EPAS1: variants seen among roughly 807,000 people sequenced by gnomAD.
EPAS1 encodes the protein endothelial PAS domain protein 1.
A neutral mutation model predicts 87.9 loss-of-function variants in EPAS1; 23 were observed. That is an observed-to-expected ratio of 0.26 (90% CI 0.19 to 0.37). The LOEUF (loss-of-function observed/expected upper bound fraction) is 0.37, where lower values mean the gene tolerates loss of function less well. EPAS1 is among the 10% of genes least tolerant of loss of function. The pLI, the probability that EPAS1 is intolerant of heterozygous loss-of-function variation, is 1.00. For synonymous variants in EPAS1, 508 were observed against 444.3 expected, an observed-to-expected ratio of 1.14 and a Z score of -1.80; for missense variants, 1,138 against 1,120.7, an observed-to-expected ratio of 1.02 and a Z score of -0.22.
rs780163748 is a variant in EPAS1 at position 46,378,741 on chromosome 2, G to A, written c.1528G>A (p.Glu510Lys). ...TGAGAAGCTCTTCGCCATGGACACA[G>A]AGGCCAAGGACCAATGCAGTACCCA... ...VIEKLFAMDT[E>K]AKDQCSTQTD... is the part of the protein sequence containing the mutation. Residue 510 changes from glutamate to lysine, a missense_variant, in exon 11 of 16, where the codon GAG becomes AAG. Coordinates refer to ENST00000263734, the MANE Select transcript of EPAS1 (RefSeq NM_001430.5). The A allele has an allele frequency of 8.1e-6, 13 of 1,614,096 alleles. No individual in the cohort carries two copies. In the South Asian group the frequency reaches 1.3e-4, roughly 16 times the overall value.
At chr2:46,333,187 A>T (rs1683722417) in intron 1 of EPAS1, among the ~76,000 whole-genome samples, 1 of 152,022 alleles carries the variant, frequency 6.6e-6, no homozygotes, top group Non-Finnish European at 1.5e-5. Flanking sequence ...AAGCATTGGA[A>T]CTCTGCAATA....
rs1217360723 is a variant in EPAS1 at position 46,371,771 on chromosome 2, G to A, written c.886+1838G>A. ...CTGATTCCCTAGGGCCTGGATTTCT[G>A]GACCTTCCTGACTTTAGATGTAAAA... On this transcript the variant is annotated intron_variant, in intron 7 of 15. Coordinates refer to ENST00000263734, the MANE Select transcript of EPAS1 (RefSeq NM_001430.5). The surrounding 1 kb of genome is among the most constrained non-coding windows in gnomAD (Gnocchi z 4.3). 2.0e-5 allele frequency among the ~76,000 whole-genome samples: 3 copies of A among 152,188 alleles called. No homozygotes were observed. Among genetic ancestry groups the A allele is most frequent in the Admixed American group, 2.0e-4 (3 of 15,282 alleles).
At chr2:46,324,215 C>G (rs1440319471) in intron 1 of EPAS1, among the ~76,000 whole-genome samples, 1 of 152,100 alleles carries the variant, frequency 6.6e-6, no homozygotes, top group East Asian at 1.9e-4. Context: ...TACAGGCACC[C>G]GCCACCACGC....
At position 46,384,746 on chromosome 2, in the gene EPAS1, C is replaced by G. The variant is rs1684975268; in HGVS notation, c.*86C>G. On this transcript the variant is annotated 3_prime_UTR_variant, in exon 16 of 16. Coordinates refer to ENST00000263734, the MANE Select transcript of EPAS1 (RefSeq NM_001430.5). The stretch of plus-strand genomic sequence containing the variant: ...CGTCTGTTTTTGCAACTAGGTATTT[C>G]TAACGCCAGCACACTATTTACAAGA... 1 of 1,523,308 alleles carries G rather than the reference C, an allele frequency of 6.6e-7. No homozygotes were observed. The highest frequency in any genetic ancestry group is 8.9e-7 in the Non-Finnish European group (1 of 1,127,528). 94.4% of individuals were successfully genotyped at this position (1,523,308 alleles called of 1,614,324 possible). A position where few individuals can be genotyped will look rare whatever the true frequency, so the allele number is the denominator to read the frequency against.
At chr2:46,365,603 C>G (rs1208670037) in intron 6 of EPAS1, among the ~76,000 whole-genome samples, 1 of 152,240 alleles carries the variant, frequency 6.6e-6, no homozygotes, top group African/African-American at 2.4e-5. Context: ...CTGTAACACT[C>G]CACAGACAGG....
chr2:46,376,451 C>T, intron 8 of EPAS1, 88 bp from the exon 9 acceptor site: 1 of 1,330,984 alleles, frequency 7.5e-7, no homozygotes, highest in South Asian at 1.2e-5. Flanking sequence ...TGTCGGAGAG[C>T]TTAGCTATGA....
chr2:46,361,763 T>G (rs1016353224), intron 6 of EPAS1, among the ~76,000 whole-genome samples: 1 of 152,154 alleles, frequency 6.6e-6, no homozygotes, highest in African/African-American at 2.4e-5. Context: ...GTTGAAAGAG[T>G]GCCTAAGACT....
At chr2:46,331,064 A>G (rs1251855833) in intron 1 of EPAS1, among the ~76,000 whole-genome samples, 1 of 152,126 alleles carries the variant, frequency 6.6e-6, no homozygotes, top group Non-Finnish European at 1.5e-5. Context: ...GCATACATGT[A>G]TATATTATTT....
intron 1 of EPAS1, among the ~76,000 whole-genome samples, chr2:46,328,427 A>G: frequency 6.6e-6 from 1 of 152,254 alleles, no homozygotes; most frequent in Non-Finnish European, 1.5e-5. Flanking sequence ...AAATGAGATG[A>G]AAATGACAGA....
In EPAS1 at chr2:46,360,583, T is replaced by G; in HGVS notation, c.455-55T>G. The G allele has an allele frequency of 6.7e-7, 1 of 1,488,240 alleles. No individual in the cohort carries two copies. Among genetic ancestry groups the G allele is most frequent in the Non-Finnish European group, 9.4e-7 (1 of 1,065,772 alleles). The allele number at this position is 1,488,240 out of a possible 1,614,324, so 92.2% of individuals were successfully genotyped here. A position where few individuals can be genotyped will look rare whatever the true frequency, so the allele number is the denominator to read the frequency against. ...AAAAACTGCAGCTGGGCCCCTCTCA[T>G]GAATATCCATATAAAACTGACTTCA... On this transcript the variant is annotated intron_variant, in intron 4 of 15. Transcript: ENST00000263734. The surrounding 1 kb of genome is among the most constrained non-coding windows in gnomAD (Gnocchi z 4.5).
chr2:46,354,956 C>A (rs1360514508), intron 2 of EPAS1, among the ~76,000 whole-genome samples: 1 of 152,164 alleles, frequency 6.6e-6, no homozygotes, highest in East Asian at 1.9e-4. Flanking sequence ...TTCTTGCATT[C>A]CACAGAGTGA....
intron 1 of EPAS1, among the ~76,000 whole-genome samples, chr2:46,327,702 T>G (rs1016275092): frequency 1.3e-5 from 2 of 152,202 alleles, no homozygotes; most frequent in Non-Finnish European, 1.5e-5. Context: ...GACAATTCCA[T>G]TAGAATATAG....
chr2:46,375,487 T>C lies in EPAS1; in HGVS notation c.887-203T>C. On this transcript the variant is annotated intron_variant, in intron 7 of 15. Coordinates refer to ENST00000263734, the MANE Select transcript of EPAS1 (RefSeq NM_001430.5). The surrounding 1 kb of genome is among the most constrained non-coding windows in gnomAD (Gnocchi z 4.1). The stretch of plus-strand genomic sequence containing the variant: ...AAGTCATTTCACCTCTTCTCACCTC[T>C]TTTTCCTATATTTAAAATGAAGAGT... 1 of 643,086 alleles carries C rather than the reference T, an allele frequency of 1.6e-6. No individual in the cohort carries two copies. Among genetic ancestry groups the C allele is most frequent in the Non-Finnish European group, 2.7e-6 (1 of 367,692 alleles). 39.8% of individuals were successfully genotyped at this position (643,086 alleles called of 1,614,324 possible). A position where few individuals can be genotyped will look rare whatever the true frequency, so the allele number is the denominator to read the frequency against.
At chr2:46,369,239 A>G (rs1008744794) in intron 6 of EPAS1, among the ~76,000 whole-genome samples, 3 of 152,358 alleles carry the variant, frequency 2.0e-5, no homozygotes, top group African/African-American at 7.2e-5. Flanking sequence ...CAGGACCTGC[A>G]GAAAAGTGAA....
chr2:46,356,785 G>T lies in EPAS1; in HGVS notation c.431G>T (p.Arg144Leu). Residue 144 changes from arginine to leucine, a missense_variant, in exon 4 of 16, where the codon CGT becomes CTT. Around this residue, in one of 4 missense-constraint regions of EPAS1, gnomAD observed 351 missense variants for 417.1 expected, o/e 0.84. Coordinates refer to ENST00000263734, the MANE Select transcript of EPAS1 (RefSeq NM_001430.5). ...FTHPCDHEEIRENLSLKNGSG... is the reference protein window; with the variant it reads ...FTHPCDHEEILENLSLKNGSG... ...CATCCCTGCGACCATGAGGAGATTC[G>T]TGAGAACCTGAGTCTCAAAAATGGT... 1 of 1,613,686 alleles carries T rather than the reference G, an allele frequency of 6.2e-7. No homozygotes were observed. The highest frequency in any genetic ancestry group is 8.5e-7 in the Non-Finnish European group (1 of 1,179,592).
rs184129244 is a variant in EPAS1 at position 46,371,383 on chromosome 2, A to C, written c.886+1450A>C. The stretch of plus-strand genomic sequence containing the variant: ...TTATTGGTTCCTCTGCCTCTTCCTC[A>C]TGGCTTTTGGGTTTGATTTGACAGT... On this transcript the variant is annotated intron_variant, in intron 7 of 15. Transcript: ENST00000263734. The surrounding 1 kb of genome is among the most constrained non-coding windows in gnomAD (Gnocchi z 4.3). Among the ~76,000 whole-genome samples, 55 of 152,198 alleles carry C rather than the reference A, an allele frequency of 3.6e-4. No homozygotes were observed. The highest frequency in any genetic ancestry group is 3.3e-3 in the Admixed American group (50 of 15,292).
intron 1 of EPAS1, among the ~76,000 whole-genome samples, chr2:46,343,869 T>C (rs541824617): frequency 6.6e-6 from 1 of 152,250 alleles, no homozygotes; most frequent in African/African-American, 2.4e-5. Flanking sequence ...GGCAAGTAAC[T>C]TACCTGCTCA....
intron 1 of EPAS1, among the ~76,000 whole-genome samples, chr2:46,332,332 G>GTGTA (rs146630883): frequency 0.12 from 17,587 of 142,002 alleles, 1,287 homozygotes; most frequent in Middle Eastern, 0.18. Context: ...GTGTGTGTGT[G>GTGTA]TATCAACTTG....
Position 46,382,079 on chromosome 2 carries a change from T to A in EPAS1, c.2277T>A (p.Asn759Lys), listed in dbSNP as rs956118272. ...PLMPDKPLSA[N>K]VPNDKFTQNP... ...TGCCGGACAAGCCACTGAGCGCAAA[T>A]GTACCCAATGGTGAGCAGCGGCCAC... Residue 759 changes from asparagine to lysine, a missense_variant, in exon 14 of 16, where the codon AAT (asparagine) becomes AAA (lysine). Asn to Lys is a moderately conservative substitution (Grantham distance 94). Around this residue, in one of 4 missense-constraint regions of EPAS1, gnomAD observed 502 missense variants for 427.1 expected, o/e 1.18. Transcript: ENST00000263734. 1 of 1,613,810 alleles carries A rather than the reference T, an allele frequency of 6.2e-7. No individual in the cohort carries two copies. Among genetic ancestry groups the A allele is most frequent in the Non-Finnish European group, 8.5e-7 (1 of 1,180,006 alleles).
Sources: allele counts gnomAD v4.1 joint callset (sites outside exome capture counted in the v4.1 genomes callset), GRCh38; gene constraint gnomAD v4.1.1; regional missense constraint gnomAD v4.1.1; non-coding constraint Gnocchi (gnomAD v3.1); transcripts MANE v1.5; gene names NCBI Gene and HGNC (gene_info 2026-07-23, HGNC 2026-07-21).